Variants in PDLIM2 observed in about 807,000 individuals in gnomAD.
The protein encoded by PDLIM2 is PDZ and LIM domain protein 2.
A neutral mutation model predicts 54.1 loss-of-function variants in PDLIM2; 51 were observed. The observed-to-expected ratio is 0.94, with a 90% CI of 0.75 to 1.19. The LOEUF is 1.19. Ranked by LOEUF, PDLIM2 falls within the 50% of genes most tolerant of loss-of-function variation. The probability of loss-of-function intolerance (pLI) is 0.00; values close to 1 mark genes in which losing one functional copy is unlikely to be tolerated. For missense variants in PDLIM2, 912 were observed against 874.0 expected, an observed-to-expected ratio of 1.04 and a Z score of -0.55; for synonymous variants, 398 against 385.6, an observed-to-expected ratio of 1.03 and a Z score of -0.38.
intron 6 of PDLIM2, 106 bp downstream of exon 5, chr8:22,585,505 C>A: frequency 8.9e-7 from 1 of 1,118,262 alleles, no homozygotes; most frequent in Non-Finnish European, 1.3e-6. Context: ...CCTGGGCAGC[C>A]ATGGCCTCCT....
chr8:22,593,522 AG>A, intron 9 of PDLIM2: 1 of 542,012 alleles, frequency 1.8e-6, no homozygotes, highest in South Asian at 2.6e-5. Flanking sequence ...GATTGCTGTG[AG>A]CTGAGATCAC....
chr8:22,581,289 G>T, intron 2 of PDLIM2, 90 bp from the exon 2 acceptor site: 1 of 1,501,954 alleles, frequency 6.7e-7, no homozygotes, highest in Non-Finnish European at 8.9e-7. Context: ...CCTGGGTCAA[G>T]CCAGCCTCTG....
Position 22,583,854 on chromosome 8 carries a change from GAAAAAAAAAAAAAAAAAAA to G in PDLIM2, c.996-955_996-937del, listed in dbSNP as rs530039600. Among the ~76,000 whole-genome samples the G allele has an allele frequency of 2.0e-4, 16 of 79,132 alleles. 1 individual carries two copies. The highest frequency in any genetic ancestry group is 7.0e-4 in the African/African-American group (13 of 18,478). The allele number at this position is 79,132 out of a possible 152,430, so 51.9% of individuals were successfully genotyped here. A position where few individuals can be genotyped will look rare whatever the true frequency, so the allele number is the denominator to read the frequency against. ...TCAGTGACAAAGTCCAGGCAAAATAGAAAAAAAAAAAAAAAAAAAAAAAAAAAAAAGGGCAGGATAATGT... is the reference window on the plus strand; with the variant it reads ...TCAGTGACAAAGTCCAGGCAAAATAGAAAAAAAAAAAGGGCAGGATAATGT... On this transcript the variant is annotated intron_variant, in intron 3 of 9. Coordinates refer to ENST00000308354, the Ensembl canonical transcript of PDLIM2.
intron 3 of PDLIM2, among the ~76,000 whole-genome samples, chr8:22,582,164 C>T (rs1800222467): frequency 6.6e-6 from 1 of 152,192 alleles, no homozygotes; most frequent in Non-Finnish European, 1.5e-5. Flanking sequence ...TCGGGAATGC[C>T]AGGAGATCCC....
chr8:22,580,429 C>A (rs1036186419), intron 1 of PDLIM2, 46 bp from the exon 1 acceptor site: 4 of 1,420,208 alleles, frequency 2.8e-6, no homozygotes, highest in Non-Finnish European at 3.7e-6. Flanking sequence ...GAAGTGAAAC[C>A]GGGCTGAGGG....
At chr8:22,581,487 A>G (rs888714742) in exon 3 of PDLIM2, 2 of 1,603,402 alleles carry the variant, frequency 1.2e-6, no homozygotes, top group Non-Finnish European at 1.7e-6. Flanking sequence ...GGCCCAGAGC[A>G]AGATCCGCCA....
At position 22,585,312 on chromosome 8, in the gene PDLIM2, C is replaced by T. The variant is rs754938987; in HGVS notation, c.1212-9C>T. On this transcript the variant is annotated splice_polypyrimidine_tract_variant and intron_variant, in intron 5 of 9. Transcript: ENST00000308354. ...GCCCTGGCACACACTGTCCCTTTCC[C>T]ACTTTCAGCTTCCAGAGTCTGGCAT... 19 of 1,612,838 alleles carry T rather than the reference C, an allele frequency of 1.2e-5. No homozygotes were observed. The highest frequency in any genetic ancestry group is 1.6e-5 in the Non-Finnish European group (19 of 1,179,840).
In PDLIM2 at chr8:22,588,791, CTCCTTGGGAAGAGGGCCTCT is replaced by C. The variant is rs531242958; in HGVS notation, c.1291-506_1291-487del. On this transcript the variant is annotated intron_variant, in intron 6 of 9. Transcript: ENST00000308354. ...CCGCCTCTGAGGAGAGGAACCAGCT[CTCCTTGGGAAGAGGGCCTCT>C]GCCCTGGCCGGCCCTGACTCCCAGG... The C allele has an allele frequency of 2.1e-4, 38 of 177,732 alleles. No individual in the cohort carries two copies. The South Asian group carries it at 4.4e-3, about 21-fold the overall frequency. 11.0% of individuals were successfully genotyped at this position (177,732 alleles called of 1,614,324 possible).
chr8:22,584,645 T>C (rs1800318985), intron 3 of PDLIM2, among the ~76,000 whole-genome samples, 176 bp from the exon 3 acceptor site: 1 of 152,230 alleles, frequency 6.6e-6, no homozygotes, highest in African/African-American at 2.4e-5. Flanking sequence ...ATGGTTGTCA[T>C]TGATGATAGT....
chr8:22,595,277 G>A (rs1188122946), downstream of PDLIM2: 2 of 152,218 alleles, frequency 1.3e-5, no homozygotes, highest in Non-Finnish European at 1.5e-5. Flanking sequence ...CTCACCTTTT[G>A]CCTGGGTGGC....
chr8:22,581,433 G>T, exon 3 of PDLIM2: 1 of 1,608,504 alleles, frequency 6.2e-7, no homozygotes, highest in Non-Finnish European at 8.5e-7. Context: ...AGACATAATC[G>T]TGGCCATCAA....
intron 8 of PDLIM2, 161 bp downstream of exon 7, chr8:22,589,902 T>G: frequency 9.6e-7 from 1 of 1,044,232 alleles, no homozygotes; most frequent in Non-Finnish European, 1.4e-6. Flanking sequence ...CCCCTGCCCA[T>G]AAGGAGCTGA....
At chr8:22,584,353 G>A (rs4872516) in intron 3 of PDLIM2, among the ~76,000 whole-genome samples, 38,272 of 151,618 alleles carry the variant, frequency 0.25, 5,216 homozygotes, top group South Asian at 0.36. Flanking sequence ...GTGTTGCCCA[G>A]GCTGGAAGGC....
chr8:22,581,846 G>A (rs111258975), intron 3 of PDLIM2, among the ~76,000 whole-genome samples: 4 of 152,364 alleles, frequency 2.6e-5, no homozygotes, highest in Admixed American at 6.5e-5. Flanking sequence ...GGCACAGGGC[G>A]TGGGCATGAA....
intron 6 of PDLIM2, 85 bp from the exon 6 acceptor site, chr8:22,589,213 C>A: frequency 6.9e-7 from 1 of 1,448,728 alleles, no homozygotes; most frequent in South Asian, 1.2e-5. Flanking sequence ...GGTGTCGGGC[C>A]TGGGAACAGC....
At chr8:22,592,821 C>G (rs1800589341) in intron 9 of PDLIM2, 1 of 152,214 alleles carries the variant, frequency 6.6e-6, no homozygotes, top group African/African-American at 2.4e-5. Flanking sequence ...TGTTAAAAAT[C>G]CAGGCAATGT....
At chr8:22,594,546 T>G, downstream of PDLIM2, 1 of 1,614,052 alleles carries the variant, frequency 6.2e-7, no homozygotes, top group East Asian at 2.2e-5. Context: ...GCTTGTGCTA[T>G]GGAGGGAATG....
At chr8:22,581,792 G>A (rs1032754831) in intron 3 of PDLIM2, among the ~76,000 whole-genome samples, 3 of 152,268 alleles carry the variant, frequency 2.0e-5, no homozygotes, top group Non-Finnish European at 4.4e-5. Context: ...GCTGGCACCA[G>A]CCACCTTGAA....
exon 5 of PDLIM2, chr8:22,585,031 A>T (rs748963414): frequency 2.3e-5 from 37 of 1,613,804 alleles, no homozygotes; most frequent in Non-Finnish European, 3.1e-5. Context: ...CCGTGAGGAC[A>T]TACACTGAGA....
Sources: gnomAD v4.1 joint callset for allele counts (sites outside exome capture counted in the v4.1 genomes callset) on GRCh38, gnomAD v4.1.1 for gene constraint, MANE v1.5 for transcripts, NCBI Gene and HGNC (gene_info 2026-07-23, HGNC 2026-07-21) for gene names.